GRID1: variants seen among roughly 807,000 people sequenced by gnomAD.
GRID1 encodes glutamate receptor ionotropic, delta-1.
Under a neutral mutation model 98.0 loss-of-function variants are expected in GRID1, and 28 were observed. The observed-to-expected ratio is 0.29, with a 90% CI of 0.21 to 0.39. The LOEUF (loss-of-function observed/expected upper bound fraction) is 0.39. Among genes scored for constraint, GRID1 ranks in the 10% least tolerant of loss-of-function variants. The probability of loss-of-function intolerance (pLI) is 1.00; values close to 1 mark genes in which losing one functional copy is unlikely to be tolerated. For missense variants in GRID1, 1,111 were observed against 1,340.5 expected, an observed-to-expected ratio of 0.83 and a Z score of 2.67; for synonymous variants, 553 against 538.5, an observed-to-expected ratio of 1.03 and a Z score of -0.37.
intron 4 of GRID1, among the ~76,000 whole-genome samples, chr10:85,923,409 T>C (rs1026932069): frequency 1.3e-5 from 2 of 152,106 alleles, no homozygotes; most frequent in African/African-American, 4.8e-5. Flanking sequence ...AGGGCTGTTT[T>C]CCTGGAAGAA....
intron 8 of GRID1, among the ~76,000 whole-genome samples, chr10:85,845,440 A>T (rs1842996658): frequency 6.6e-6 from 1 of 152,354 alleles, no homozygotes; most frequent in Admixed American, 6.5e-5. Context: ...TACTATATTC[A>T]TGAATTAGGT....
At chr10:85,769,508 G>T (rs145157204) in intron 8 of GRID1, among the ~76,000 whole-genome samples, 1 of 152,206 alleles carries the variant, frequency 6.6e-6, no homozygotes, top group Non-Finnish European at 1.5e-5. Flanking sequence ...TGTGCGAGCC[G>T]AAGCAGGGCG....
intron 4 of GRID1, among the ~76,000 whole-genome samples, chr10:86,001,753 C>T (rs1370409666): frequency 2.0e-5 from 3 of 152,082 alleles, no homozygotes; most frequent in South Asian, 4.2e-4. Flanking sequence ...ACAGCTGCAT[C>T]GAGTGTATTA....
chr10:85,959,397 C>G (rs1238958595), intron 4 of GRID1, among the ~76,000 whole-genome samples: 1 of 152,186 alleles, frequency 6.6e-6, no homozygotes, highest in East Asian at 1.9e-4. Context: ...GCACCAGTGC[C>G]TTGGCAGCAT....
At chr10:85,675,876 TG>T (rs1300095528) in intron 12 of GRID1, among the ~76,000 whole-genome samples, 1 of 152,122 alleles carries the variant, frequency 6.6e-6, no homozygotes, top group East Asian at 1.9e-4. Context: ...CATGTTGCTT[TG>T]GGTGTTCCAT....
In GRID1 at chr10:85,849,925, T is replaced by C. The variant is rs553320943; in HGVS notation, c.1233+4571A>G. Among the ~76,000 whole-genome samples the C allele has an allele frequency of 1.7e-4, 26 of 152,268 alleles. 1 individual carries two copies. The highest frequency in any genetic ancestry group is 1.5e-3 in the South Asian group (7 of 4,826). Reference sequence around the variant, plus strand: ...AAAATACTCCTTCAGCCTCTCTTGGTCCTAACTTGATTCTAGAAAGGAGAA... The same window carrying C: ...AAAATACTCCTTCAGCCTCTCTTGGCCCTAACTTGATTCTAGAAAGGAGAA... On this transcript the variant is annotated intron_variant, in intron 8 of 15. Transcript: ENST00000327946.
intron 2 of GRID1, among the ~76,000 whole-genome samples, chr10:86,245,407 T>C (rs1022817528): frequency 7.0e-6 from 1 of 143,078 alleles, no homozygotes; most frequent in Non-Finnish European, 1.5e-5. Context: ...CCTACTACCA[T>C]TCGCTTTACT....
intron 2 of GRID1, among the ~76,000 whole-genome samples, chr10:86,227,951 G>A (rs1459835836): frequency 7.2e-5 from 11 of 152,130 alleles, no homozygotes; most frequent in Admixed American, 7.2e-4. Context: ...CAGACAGATG[G>A]GTAGGTAGAT....
At chr10:86,324,165 T>C (rs1184565483) in intron 2 of GRID1, among the ~76,000 whole-genome samples, 1 of 151,372 alleles carries the variant, frequency 6.6e-6, no homozygotes, top group African/African-American at 2.4e-5. Context: ...GGTGACAGAG[T>C]GAGACTCATC....
At chr10:85,910,921 T>A (rs1453856732) in intron 5 of GRID1, among the ~76,000 whole-genome samples, 1 of 151,982 alleles carries the variant, frequency 6.6e-6, no homozygotes, top group Non-Finnish European at 1.5e-5. Flanking sequence ...TCCTAGACAA[T>A]CACAGATTCA....
chr10:86,218,783 A>G (rs1312387869), intron 2 of GRID1, among the ~76,000 whole-genome samples: 1 of 152,154 alleles, frequency 6.6e-6, no homozygotes, highest in African/African-American at 2.4e-5. Flanking sequence ...ATGTGATTGC[A>G]GCTCAGTGTC....
At chr10:86,243,695 G>A (rs1422799853) in intron 2 of GRID1, among the ~76,000 whole-genome samples, 2 of 152,150 alleles carry the variant, frequency 1.3e-5, no homozygotes, top group African/African-American at 2.4e-5. Context: ...GTATACAGAC[G>A]AGGAAATCAA....
At chr10:86,156,053 T>C (rs1049786909) in intron 3 of GRID1, among the ~76,000 whole-genome samples, 2 of 152,148 alleles carry the variant, frequency 1.3e-5, no homozygotes, top group Non-Finnish European at 2.9e-5. Flanking sequence ...GAGTCAGATA[T>C]AGAGACAGCT....
chr10:85,721,555 G>A (rs942290510), intron 12 of GRID1, among the ~76,000 whole-genome samples: 7 of 152,168 alleles, frequency 4.6e-5, no homozygotes, highest in Non-Finnish European at 5.9e-5. Flanking sequence ...ACATGAAAAC[G>A]TGGACGAATC....
chr10:85,664,121 G>A (rs775583876), intron 12 of GRID1, among the ~76,000 whole-genome samples: 11 of 152,128 alleles, frequency 7.2e-5, no homozygotes, highest in East Asian at 1.9e-4. Context: ...TGAGAGGCCC[G>A]GGAGGGAGCT....
At chr10:85,838,219 C>A (rs1227040308) in intron 8 of GRID1, among the ~76,000 whole-genome samples, 2 of 152,116 alleles carry the variant, frequency 1.3e-5, no homozygotes, top group African/African-American at 2.4e-5. Flanking sequence ...GAGAATGGAA[C>A]CAACTTGGTA....
At chr10:85,822,280 T>C (rs1450848906) in intron 8 of GRID1, among the ~76,000 whole-genome samples, 6 of 152,088 alleles carry the variant, frequency 3.9e-5, no homozygotes, top group Non-Finnish European at 8.8e-5. Flanking sequence ...ATTTTTGCAA[T>C]CTACTCATCT....
intron 8 of GRID1, among the ~76,000 whole-genome samples, chr10:85,808,961 A>C (rs1039239241): frequency 3.9e-5 from 6 of 152,170 alleles, no homozygotes; most frequent in African/African-American, 1.2e-4. Context: ...TTATGTCTAT[A>C]TTATGCTTGT....
chr10:86,174,223 G>T (rs12784502), intron 3 of GRID1, among the ~76,000 whole-genome samples: 1 of 151,852 alleles, frequency 6.6e-6, no homozygotes, highest in Non-Finnish European at 1.5e-5. Context: ...GAGGCATCAC[G>T]CTACCTGACT....
Sources: gnomAD v4.1 joint callset for allele counts (sites outside exome capture counted in the v4.1 genomes callset) on GRCh38, gnomAD v4.1.1 for gene constraint, MANE v1.5 for transcripts, NCBI Gene and HGNC (gene_info 2026-07-23, HGNC 2026-07-21) for gene names.